RAD50: variants seen among roughly 807,000 people sequenced by gnomAD.
RAD50 encodes the protein RAD50 double strand break repair protein, also known as DNA repair protein RAD50.
In RAD50, 132 loss-of-function variants were observed where a neutral mutation model predicts 168.8. That is an observed-to-expected ratio of 0.78 (90% CI 0.68 to 0.90). RAD50 has a LOEUF of 0.90. Ranked by LOEUF, RAD50 falls within the 40% of genes least tolerant of loss-of-function variation. RAD50 has a pLI of 0.00. For synonymous variants in RAD50, 525 were observed against 497.4 expected, an observed-to-expected ratio of 1.06 and a Z score of -0.74; for missense variants, 1,347 against 1,534.4, an observed-to-expected ratio of 0.88 and a Z score of 2.04.
At position 132,595,707 on chromosome 5, in the gene RAD50, C is replaced by A. The variant is rs759505248; in HGVS notation, c.2104C>A (p.Gln702Lys). Residue 702 changes from glutamine to lysine, a missense_variant, in exon 13 of 25, where the codon CAG (glutamine) becomes AAG (lysine). By Grantham distance (53) the Gln-to-Lys change is moderately conservative. Transcript: ENST00000378823. ...GTTACAAGAAGTCATCAGTGATTTG[C>A]AGTCTAAACTGCGACTTGCTCCAGA... The part of the protein sequence containing the change: ...AELQEVISDL[Q>K]SKLRLAPDKL... 27 of 1,613,652 alleles carry A rather than the reference C, an allele frequency of 1.7e-5. No homozygotes were observed. Among genetic ancestry groups the A allele is most frequent in the African/African-American group, 2.7e-5 (2 of 74,888 alleles).
rs769726226 is a variant in RAD50, at chr5:132,604,045, A to C, written c.2523A>C (p.Thr841=). The change falls in exon 15 of 25, where the codon ACA becomes ACC. Residue 841 remains threonine (T), a splice_region_variant and synonymous_variant. Coordinates refer to ENST00000378823, the MANE Select transcript of RAD50 (RefSeq NM_005732.4). ...AAGAGAAACAGCACAAGTTAGACAC[A>C]GGTAATACAGTCTGTGTCCTTCTGT... is the stretch of plus-strand genomic sequence containing the variant. ...EKQEKQHKLD[T]VSSKIELNRK... is the part of the protein sequence containing the mutation. 6.2e-7 allele frequency: 1 copy of C among 1,613,316 alleles called. No homozygotes were observed. Among genetic ancestry groups the C allele is most frequent in the African/African-American group, 1.3e-5 (1 of 74,908 alleles).
In RAD50 at chr5:132,631,165, G is replaced by C. The variant is rs575889556; in HGVS notation, c.3390-5950G>C. Among the ~76,000 whole-genome samples the C allele has an allele frequency of 3.6e-3, 518 of 145,134 alleles. 3 individuals are homozygous for C. The highest frequency in any genetic ancestry group is 5.4e-3 in the Non-Finnish European group (360 of 67,112). On this transcript the variant is annotated intron_variant, in intron 21 of 24. Coordinates refer to ENST00000378823, the MANE Select transcript of RAD50 (RefSeq NM_005732.4). Reference sequence around the variant, plus strand: ...AGACAGAGTCTGGCTCTGTCACCCAGGCTGGAGTTCATTCTTGCAAACTCG... The same window carrying C: ...AGACAGAGTCTGGCTCTGTCACCCACGCTGGAGTTCATTCTTGCAAACTCG...
chr5:132,640,886 A>AT, intron 24 of RAD50, 81 bp downstream of exon 24: 1 of 1,598,902 alleles, frequency 6.3e-7, no homozygotes, highest in Non-Finnish European at 8.6e-7. Context: ...CAAAACCAAG[A>AT]GAGTTCTGTG....
intron 21 of RAD50, among the ~76,000 whole-genome samples, chr5:132,635,389 C>CT (rs1234282841): frequency 6.6e-6 from 1 of 152,238 alleles, no homozygotes; most frequent in African/African-American, 2.4e-5. Context: ...ATCCCCATCT[C>CT]TTACACAGTA....
chr5:132,591,263 GA>G lies in RAD50; in HGVS notation c.1495del (p.Thr499ProfsTer2). 2.5e-6 allele frequency: 4 copies of G among 1,613,150 alleles called. No individual in the cohort carries two copies. Among genetic ancestry groups the G allele is most frequent in the Non-Finnish European group, 3.4e-6 (4 of 1,179,154 alleles). The part of the protein sequence containing the change: ...LSKAEKNSNV[E>X]TLKMEVISLQ... Reference sequence around the variant, plus strand: ...CAAGGCTGAGAAAAACAGCAATGTAGAAACCTTAAAAATGGAAGTAATAAGT... The same window carrying G: ...CAAGGCTGAGAAAAACAGCAATGTAGAACCTTAAAAATGGAAGTAATAAGT... On this transcript the variant is annotated frameshift_variant, in exon 10 of 25. Coordinates refer to ENST00000378823, the MANE Select transcript of RAD50 (RefSeq NM_005732.4). LOFTEE classifies it high-confidence loss of function.
In RAD50 at chr5:132,557,057, C is replaced by T; in HGVS notation, c.-268C>T. 1 of 651,630 alleles carries T rather than the reference C, an allele frequency of 1.5e-6. No individual in the cohort carries two copies. Among genetic ancestry groups the T allele is most frequent in the East Asian group, 3.2e-5 (1 of 31,238 alleles). The allele number at this position is 651,630 out of a possible 1,614,324, so 40.4% of individuals were successfully genotyped here. Reference sequence around the variant, plus strand: ...GCATTGTGGCTACGGCTTTGCGTCCCCGGCGGGCAGCCCCAGGCTGGTCCC... The same window carrying T: ...GCATTGTGGCTACGGCTTTGCGTCCTCGGCGGGCAGCCCCAGGCTGGTCCC... On this transcript the variant is annotated 5_prime_UTR_variant, in exon 1 of 25. Coordinates refer to ENST00000378823, the MANE Select transcript of RAD50 (RefSeq NM_005732.4).
intron 13 of RAD50, among the ~76,000 whole-genome samples, chr5:132,601,557 C>A (rs951048075): frequency 6.6e-6 from 1 of 152,066 alleles, no homozygotes; most frequent in Non-Finnish European, 1.5e-5. Context: ...CAACAGTGTT[C>A]AAGAGGAAAC....
chr5:132,560,593 C>T (rs576016417), intron 2 of RAD50, among the ~76,000 whole-genome samples: 9 of 152,298 alleles, frequency 5.9e-5, no homozygotes, highest in Non-Finnish European at 1.0e-4. Context: ...ATCACATCTA[C>T]GAAACTACTG....
intron 2 of RAD50, among the ~76,000 whole-genome samples, chr5:132,563,058 TAAA>T (rs1750147880): frequency 1.3e-5 from 2 of 152,192 alleles, no homozygotes. Flanking sequence ...AGAGAAAAGA[TAAA>T]GAAGTGAAAC....
intron 21 of RAD50, among the ~76,000 whole-genome samples, chr5:132,633,922 AAC>A (rs1160351804): frequency 6.6e-6 from 1 of 152,100 alleles, no homozygotes; most frequent in Non-Finnish European, 1.5e-5. Flanking sequence ...TATCTTTTGT[AAC>A]ACTGTTGAAA....
intron 7 of RAD50, 129 bp from the exon 8 acceptor site, chr5:132,588,555 TATC>T (rs1175218613): frequency 2.3e-6 from 2 of 873,724 alleles, no homozygotes; most frequent in African/African-American, 3.4e-5. Context: ...TGCAAAATGT[TATC>T]ATTGGGAGAA....
At chr5:132,640,469 G>T (rs1751694050) in intron 23 of RAD50, among the ~76,000 whole-genome samples, 1 of 152,178 alleles carries the variant, frequency 6.6e-6, no homozygotes, top group Non-Finnish European at 1.5e-5. Flanking sequence ...TGAATGATAG[G>T]CTGAGATCAT....
At chr5:132,570,626 CAG>C (rs973479272) in intron 2 of RAD50, among the ~76,000 whole-genome samples, 8 of 152,324 alleles carry the variant, frequency 5.3e-5, no homozygotes, top group Admixed American at 2.6e-4. Context: ...CATAGAATTG[CAG>C]AGAGTTGGGG....
Position 132,604,212 on chromosome 5 carries a change from T to G in RAD50, c.2524+166T>G, listed in dbSNP as rs12187537. 0.16 allele frequency among the ~76,000 whole-genome samples: 24,587 copies of G among 152,218 alleles called. 2,316 individuals are homozygous for G. Among genetic ancestry groups the G allele is most frequent in the South Asian group, 0.21 (1,036 of 4,828 alleles). Reference sequence around the variant, plus strand: ...CATCACTTCTCTTTGTTCTCTTACTTTGCACAACAGATTTTGAACAGTAGG... The same window carrying G: ...CATCACTTCTCTTTGTTCTCTTACTGTGCACAACAGATTTTGAACAGTAGG... On this transcript the variant is annotated intron_variant, in intron 15 of 24. Transcript: ENST00000378823.
intron 21 of RAD50, among the ~76,000 whole-genome samples, chr5:132,625,148 G>A (rs972578985): frequency 1.3e-5 from 2 of 149,544 alleles, no homozygotes; most frequent in East Asian, 2.0e-4. Flanking sequence ...GTGCAGTGGC[G>A]GGATCTCGGC....
rs1339714611 is a variant in RAD50 at position 132,557,454 on chromosome 5, G to T, written c.129+1G>T. 1.2e-6 allele frequency: 2 copies of T among 1,613,974 alleles called. No individual in the cohort carries two copies. Among genetic ancestry groups the T allele is most frequent in the African/African-American group, 2.7e-5 (2 of 74,952 alleles). On this transcript the variant is annotated splice_donor_variant, in intron 1 of 24. Coordinates refer to ENST00000378823, the MANE Select transcript of RAD50 (RefSeq NM_005732.4). LOFTEE classifies it high-confidence loss of function. ...TGGACCCAATGGGGCGGGAAAGACG[G>T]TAAGTCTTCAGTAGCCGCCTTCAGT...
chr5:132,609,426 AC>A (rs1751046925), intron 19 of RAD50, 30 bp downstream of exon 19: 1 of 1,611,198 alleles, frequency 6.2e-7, no homozygotes, highest in Non-Finnish European at 8.5e-7. Flanking sequence ...GATATCACTT[AC>A]ACCTATGACA....
chr5:132,560,034 T>C (rs916165502), intron 2 of RAD50, among the ~76,000 whole-genome samples: 3 of 150,916 alleles, frequency 2.0e-5, no homozygotes, highest in African/African-American at 4.9e-5. Flanking sequence ...TTTGCACATA[T>C]AGAAGTGAAA....
chr5:132,621,643 G>A (rs534510089), intron 21 of RAD50, among the ~76,000 whole-genome samples: 93 of 152,278 alleles, frequency 6.1e-4, no homozygotes, highest in Non-Finnish European at 1.1e-3. Flanking sequence ...TGAGCATAGA[G>A]TTCTAGATTG....
Sources: gnomAD v4.1 joint callset for allele counts (sites outside exome capture counted in the v4.1 genomes callset) on GRCh38, gnomAD v4.1.1 for gene constraint, MANE v1.5 for transcripts, NCBI Gene and HGNC (gene_info 2026-07-23, HGNC 2026-07-21) for gene names.